ABCA13: variants seen among roughly 807,000 people sequenced by gnomAD.
ABCA13 encodes ATP binding cassette subfamily A member 13, also known as ATP-binding cassette sub-family A member 13.
A neutral mutation model predicts 478.7 loss-of-function variants in ABCA13; 476 were observed. That is an observed-to-expected ratio of 0.99 (90% CI 0.92 to 1.07). The LOEUF (loss-of-function observed/expected upper bound fraction) is 1.07, where lower values mean the gene tolerates loss of function less well. ABCA13 is among the 50% of genes least tolerant of loss of function. The pLI, the probability that ABCA13 is intolerant of heterozygous loss-of-function variation, is 0.00. For synonymous variants in ABCA13, 2,252 were observed against 2,158.9 expected, an observed-to-expected ratio of 1.04 and a Z score of -1.20; for missense variants, 6,060 against 5,910.6, an observed-to-expected ratio of 1.03 and a Z score of -0.83.
rs1228528151 is a variant in ABCA13, at chr7:48,387,759, T to C, written c.11336-63T>C. 3 of 1,292,346 alleles carry C rather than the reference T, an allele frequency of 2.3e-6. No individual in the cohort carries two copies. In the African/African-American group the frequency reaches 4.5e-5, roughly 19 times the overall value. 80.1% of individuals were successfully genotyped at this position (1,292,346 alleles called of 1,614,324 possible). ...CATTTTATATTAATTACTTAAGATATTCTAATACAGTACCTTCATCTAAAT... is the reference window on the plus strand; with the variant it reads ...CATTTTATATTAATTACTTAAGATACTCTAATACAGTACCTTCATCTAAAT... On this transcript the variant is annotated intron_variant, in intron 35 of 61. Transcript: ENST00000435803.
intron 59 of ABCA13, among the ~76,000 whole-genome samples, chr7:48,640,314 A>G (rs939636527): frequency 6.6e-6 from 1 of 152,204 alleles, no homozygotes; most frequent in Non-Finnish European, 1.5e-5. Context: ...TTTTTCAGAA[A>G]TGTCTCTGCA....
intron 55 of ABCA13, among the ~76,000 whole-genome samples, chr7:48,544,568 A>AAC (rs1338314684): frequency 6.6e-6 from 1 of 151,854 alleles, no homozygotes; most frequent in African/African-American, 2.4e-5. Context: ...TGGATACCTG[A>AAC]ACACTTGATA....
At chr7:48,327,000 C>T (rs1804431611) in intron 27 of ABCA13, among the ~76,000 whole-genome samples, 1 of 152,126 alleles carries the variant, frequency 6.6e-6, no homozygotes. Context: ...CTCATAGTTC[C>T]AGAACTCTAA....
At chr7:48,499,357 G>A (rs962171450) in intron 48 of ABCA13, among the ~76,000 whole-genome samples, 3 of 152,130 alleles carry the variant, frequency 2.0e-5, no homozygotes, top group Admixed American at 1.3e-4. Flanking sequence ...GATAAGACAA[G>A]TTTTTCCTTT....
intron 35 of ABCA13, among the ~76,000 whole-genome samples, chr7:48,382,073 AT>A (rs1336516822): frequency 2.0e-5 from 3 of 152,074 alleles, no homozygotes; most frequent in Non-Finnish European, 4.4e-5. Flanking sequence ...TATTCAATTT[AT>A]TTTTTCATAA....
chr7:48,591,173 G>A (rs1434099844), intron 57 of ABCA13, among the ~76,000 whole-genome samples: 2 of 151,674 alleles, frequency 1.3e-5, no homozygotes, highest in Admixed American at 6.6e-5. Flanking sequence ...GATAAGGACC[G>A]AGTTTTAATT....
chr7:48,475,458 A>ATTTTTTTTT (rs398047655), intron 45 of ABCA13, among the ~76,000 whole-genome samples: 2 of 100,476 alleles, frequency 2.0e-5, no homozygotes, highest in Non-Finnish European at 3.8e-5. Context: ...TGTCAATTTA[A>ATTTTTTTTT]TTTTTTTTTT....
chr7:48,431,380 AC>A (rs1293935195), intron 42 of ABCA13, among the ~76,000 whole-genome samples: 6 of 151,832 alleles, frequency 4.0e-5, no homozygotes, highest in East Asian at 1.9e-4. Flanking sequence ...AACAACAACA[AC>A]AACAACAAAT....
intron 1 of ABCA13, among the ~76,000 whole-genome samples, chr7:48,171,966 A>G (rs1218631408): frequency 6.6e-6 from 1 of 151,738 alleles, no homozygotes; most frequent in East Asian, 1.9e-4. Flanking sequence ...AAGACTGCAC[A>G]GTGTGCCTCA....
intron 35 of ABCA13, among the ~76,000 whole-genome samples, chr7:48,377,752 G>T (rs1023873295): frequency 4.6e-5 from 7 of 152,168 alleles, no homozygotes; most frequent in African/African-American, 1.7e-4. Flanking sequence ...AAGATTCTAG[G>T]AAATAAAGGA....
At position 48,279,345 on chromosome 7, in the gene ABCA13, C is replaced by A; in HGVS notation, c.8151C>A (p.Ile2717=). 6.3e-7 allele frequency: 1 copy of A among 1,585,980 alleles called. No individual in the cohort carries two copies. The highest frequency in any genetic ancestry group is 8.6e-7 in the Non-Finnish European group (1 of 1,163,800). ...AATGGGAAATAATTCATGAAGTGAT[C>A]CCTTTTTTGGATAAAATATTATCAC... ...DIKWEIIHEV[I]PFLDKILSQN... is the part of the protein sequence containing the mutation. Residue 2717 remains isoleucine, a synonymous_variant, in exon 18 of 62, where the codon ATC becomes ATA. Transcript: ENST00000435803.
Position 48,244,582 on chromosome 7 carries a change from G to A in ABCA13, c.1269G>A (p.Gln423=), listed in dbSNP as rs201329076. 242 of 1,612,740 alleles carry A rather than the reference G, an allele frequency of 1.5e-4. 1 individual carries two copies. The African/African-American group carries it at 2.1e-3, about 14-fold the overall frequency. The part of the protein sequence containing the change: ...KDNHTFPKIL[Q]HLWKLQSLLQ... Reference sequence around the variant, plus strand: ...TATTTATTTTTGCCCTCAGATTACAGCATCTGTGGAAATTGCAAAGCTTGC... The same window carrying A: ...TATTTATTTTTGCCCTCAGATTACAACATCTGTGGAAATTGCAAAGCTTGC... The change falls in exon 11 of 62, where the codon CAG becomes CAA. Residue 423 remains glutamine (Q), a synonymous_variant. Coordinates refer to ENST00000435803, the MANE Select transcript of ABCA13 (RefSeq NM_152701.5).
intron 57 of ABCA13, among the ~76,000 whole-genome samples, chr7:48,592,139 A>G (rs1024419109): frequency 1.3e-5 from 2 of 151,766 alleles, no homozygotes; most frequent in African/African-American, 2.4e-5. Context: ...CTTTGGGATT[A>G]GTTCATTTCT....
At chr7:48,405,697 C>A (rs1427608106) in intron 39 of ABCA13, among the ~76,000 whole-genome samples, 1 of 152,162 alleles carries the variant, frequency 6.6e-6, no homozygotes, top group South Asian at 2.1e-4. Flanking sequence ...GCTGGAGTCT[C>A]AAAGGTTTAG....
At chr7:48,293,192 G>GCCCCACCCCCCCCCCC (rs1554419599) in intron 20 of ABCA13, among the ~76,000 whole-genome samples, 1 of 108,280 alleles carries the variant, frequency 9.2e-6, no homozygotes, top group African/African-American at 3.0e-5. Context: ...GAAGTCTTCA[G>GCCCCACCCCCCCCCCC]CCCCCCCCCC....
At chr7:48,410,709 G>A in intron 40 of ABCA13, 32 bp downstream of exon 40, 1 of 1,590,140 alleles carries the variant, frequency 6.3e-7, no homozygotes, top group Non-Finnish European at 8.6e-7. Flanking sequence ...TCTCACTGAA[G>A]TCCCATTTCT....
At chr7:48,454,909 T>G in intron 42 of ABCA13, 128 bp from the exon 43 acceptor site, 1 of 1,299,570 alleles carries the variant, frequency 7.7e-7, no homozygotes, top group South Asian at 1.6e-5. Flanking sequence ...GGAGTCCTCA[T>G]GGGGTGGGCC....
rs547980066 is a variant in ABCA13 at position 48,520,368 on chromosome 7, G to A, written c.14051+74G>A. The A allele has an allele frequency of 2.1e-4, 311 of 1,463,818 alleles. 5 individuals carry two copies. In the South Asian group the frequency reaches 3.9e-3, roughly 18 times the overall value. 90.7% of individuals were successfully genotyped at this position (1,463,818 alleles called of 1,614,324 possible). A position where few individuals can be genotyped will look rare whatever the true frequency, so the allele number is the denominator to read the frequency against. ...GAGAGGAAGAGAAAAATTCATCCTGGAGGTTGTAAAATAAAAATTATATCT... is the reference window on the plus strand; with the variant it reads ...GAGAGGAAGAGAAAAATTCATCCTGAAGGTTGTAAAATAAAAATTATATCT... On this transcript the variant is annotated intron_variant, in intron 53 of 61. Coordinates refer to ENST00000435803, the MANE Select transcript of ABCA13 (RefSeq NM_152701.5).
At chr7:48,308,763 G>C (rs1282933188) in intron 23 of ABCA13, among the ~76,000 whole-genome samples, 1 of 151,660 alleles carries the variant, frequency 6.6e-6, no homozygotes, top group African/African-American at 2.4e-5. Context: ...TATTTTTACT[G>C]TACCTTTTTA....
Sources: allele counts gnomAD v4.1 joint callset (sites outside exome capture counted in the v4.1 genomes callset), GRCh38; gene constraint gnomAD v4.1.1; transcripts MANE v1.5; gene names NCBI Gene and HGNC (gene_info 2026-07-23, HGNC 2026-07-21).